ZBTB20: variants seen among roughly 807,000 people sequenced by gnomAD.
ZBTB20 encodes zinc finger and BTB domain-containing protein 20.
A neutral mutation model predicts 56.9 loss-of-function variants in ZBTB20; 9 were observed. The observed-to-expected ratio is 0.16, with a 90% CI of 0.10 to 0.28. The LOEUF (loss-of-function observed/expected upper bound fraction) is 0.28. Among genes scored for constraint, ZBTB20 ranks in the 10% least tolerant of loss-of-function variants. The pLI is 1.00. For synonymous variants in ZBTB20, 417 were observed against 420.7 expected, an observed-to-expected ratio of 0.99 and a Z score of 0.11; for missense variants, 655 against 1,003.0, an observed-to-expected ratio of 0.65 and a Z score of 4.69.
At chr3:114,550,861 G>A (rs565215262) in intron 6 of ZBTB20, among the ~76,000 whole-genome samples, 4 of 151,960 alleles carry the variant, frequency 2.6e-5, no homozygotes, top group Non-Finnish European at 4.4e-5. Context: ...AGCGATTCTC[G>A]TGCCTCAGCG....
chr3:115,047,085 T>C (rs1460534811), intron 2 of ZBTB20, among the ~76,000 whole-genome samples: 1 of 152,214 alleles, frequency 6.6e-6, no homozygotes, highest in Non-Finnish European at 1.5e-5. Flanking sequence ...TACTTTCTTC[T>C]GCTTTCTCTC....
intron 3 of ZBTB20, among the ~76,000 whole-genome samples, chr3:114,961,935 C>T (rs139487389): frequency 3.3e-5 from 5 of 152,206 alleles, no homozygotes; most frequent in African/African-American, 7.2e-5. Context: ...TTACTGTTTT[C>T]GTTCATCCTC....
chr3:114,817,666 T>A lies in ZBTB20; in HGVS notation c.-416-16492A>T, dbSNP rs941177871. 3.9e-5 allele frequency among the ~76,000 whole-genome samples: 6 copies of A among 152,102 alleles called. No individual in the cohort carries two copies. In the East Asian group the frequency reaches 1.2e-3, roughly 29 times the overall value. On this transcript the variant is annotated intron_variant, in intron 4 of 11. Coordinates refer to ENST00000675478, the MANE Select transcript of ZBTB20 (RefSeq NM_001348800.3). ...CAATTTCCTTATTTGTATCTATCCA[T>A]GAACTAGAAAGTAAGTTCCTTGAAA... is the stretch of plus-strand genomic sequence containing the variant.
intron 3 of ZBTB20, among the ~76,000 whole-genome samples, chr3:114,920,414 T>G (rs193032503): frequency 6.6e-6 from 1 of 152,272 alleles, no homozygotes; most frequent in East Asian, 1.9e-4. Context: ...AAAACTAAAA[T>G]TATCTCAAGT....
intron 2 of ZBTB20, among the ~76,000 whole-genome samples, chr3:115,065,421 C>T (rs1205385158): frequency 3.3e-5 from 5 of 152,154 alleles, no homozygotes; most frequent in African/African-American, 7.2e-5. Context: ...CACATGTATT[C>T]GGCTTTCCCA....
chr3:114,737,660 T>C (rs2066276183), intron 5 of ZBTB20, among the ~76,000 whole-genome samples: 2 of 152,200 alleles, frequency 1.3e-5, no homozygotes, highest in African/African-American at 4.8e-5. Context: ...AAATGGAATT[T>C]AATACATTTC....
chr3:114,377,552 T>C (rs909892492), intron 10 of ZBTB20, among the ~76,000 whole-genome samples: 5 of 152,176 alleles, frequency 3.3e-5, no homozygotes, highest in Admixed American at 6.5e-5. Context: ...TGTCAGTTCA[T>C]ATGCAGAGCT....
At chr3:115,045,950 G>A (rs546887019) in intron 2 of ZBTB20, among the ~76,000 whole-genome samples, 2 of 152,270 alleles carry the variant, frequency 1.3e-5, no homozygotes, top group East Asian at 3.9e-4. Context: ...GAATGCCATT[G>A]TTTACAATCT....
intron 6 of ZBTB20, among the ~76,000 whole-genome samples, chr3:114,632,120 A>AT: frequency 6.6e-6 from 1 of 152,264 alleles, no homozygotes; most frequent in East Asian, 1.9e-4. Context: ...CATCAGCACT[A>AT]TCTGTTCTCA....
intron 5 of ZBTB20, among the ~76,000 whole-genome samples, chr3:114,752,808 A>T (rs2067670135): frequency 6.6e-6 from 1 of 152,156 alleles, no homozygotes; most frequent in Non-Finnish European, 1.5e-5. Context: ...GTTAATTATC[A>T]GTCTTCTCTG....
At chr3:114,636,552 TA>T (rs1490519873) in intron 6 of ZBTB20, among the ~76,000 whole-genome samples, 1 of 151,978 alleles carries the variant, frequency 6.6e-6, no homozygotes, top group Non-Finnish European at 1.5e-5. Flanking sequence ...ATAGGAGAAG[TA>T]AAAGAGTAGA....
chr3:114,741,827 G>A (rs1346217318), intron 5 of ZBTB20, among the ~76,000 whole-genome samples: 1 of 148,988 alleles, frequency 6.7e-6, no homozygotes, highest in Non-Finnish European at 1.5e-5. Context: ...GTTGCAGCAA[G>A]CCAAGATTGC....
chr3:115,102,132 C>T (rs2083603465), intron 1 of ZBTB20, among the ~76,000 whole-genome samples: 2 of 152,130 alleles, frequency 1.3e-5, no homozygotes, highest in South Asian at 4.1e-4. Context: ...TAGTAAGAAA[C>T]CAAGAGTCCA....
intron 1 of ZBTB20, among the ~76,000 whole-genome samples, chr3:115,078,593 ATATG>A (rs894292871): frequency 6.5e-5 from 5 of 76,658 alleles, no homozygotes; most frequent in African/African-American, 2.1e-4. Context: ...ATCAGTAAGA[ATATG>A]TGTGTGTGTG....
At chr3:115,048,956 A>G (rs2081439241) in intron 2 of ZBTB20, among the ~76,000 whole-genome samples, 1 of 152,168 alleles carries the variant, frequency 6.6e-6, no homozygotes, top group African/African-American at 2.4e-5. Context: ...TTGAACCTCC[A>G]AACTTACTCC....
chr3:114,630,098 C>T (rs566488951), intron 6 of ZBTB20, among the ~76,000 whole-genome samples: 1 of 152,244 alleles, frequency 6.6e-6, no homozygotes, highest in South Asian at 2.1e-4. Context: ...TGTGTTCATG[C>T]CACTGCATTC....
intron 6 of ZBTB20, among the ~76,000 whole-genome samples, chr3:114,689,816 G>T (rs756708302): frequency 6.6e-6 from 1 of 152,028 alleles, no homozygotes; most frequent in Non-Finnish European, 1.5e-5. Flanking sequence ...TATAAGAACA[G>T]GATGCTGAAA....
intron 6 of ZBTB20, among the ~76,000 whole-genome samples, chr3:114,685,796 G>T (rs1182653391): frequency 6.6e-6 from 1 of 152,078 alleles, no homozygotes; most frequent in Non-Finnish European, 1.5e-5. Flanking sequence ...CATACCGTAT[G>T]CTTTGACAAA....
In ZBTB20 at chr3:114,316,777, C is replaced by A. The variant is rs116606580; in HGVS notation, c.*22228G>T. 158 of 308,736 alleles carry A rather than the reference C, an allele frequency of 5.1e-4. No individual in the cohort carries two copies. The highest frequency in any genetic ancestry group is 3.4e-3 in the African/African-American group (148 of 43,592). The allele number at this position is 308,736 out of a possible 1,614,324, so 19.1% of individuals were successfully genotyped here. A position where few individuals can be genotyped will look rare whatever the true frequency, so the allele number is the denominator to read the frequency against. ...AGTTCTCAGCCCCAAGCAAGAGAAA[C>A]CTGGGTTTGGTCATGCTGGGGGCTG... On this transcript the variant is annotated 3_prime_UTR_variant, in exon 12 of 12. Coordinates refer to ENST00000675478, the MANE Select transcript of ZBTB20 (RefSeq NM_001348800.3).
Sources: allele counts gnomAD v4.1 joint callset (sites outside exome capture counted in the v4.1 genomes callset), GRCh38; gene constraint gnomAD v4.1.1; transcripts MANE v1.5; gene names NCBI Gene and HGNC (gene_info 2026-07-23, HGNC 2026-07-21).